Variants in PDGFRB observed in about 807,000 individuals in gnomAD.
PDGFRB encodes the protein platelet-derived growth factor receptor beta.
In PDGFRB, 42 loss-of-function variants were observed where a neutral mutation model predicts 120.2. The ratio of observed to expected loss-of-function variants is 0.35; its 90% confidence interval spans 0.27 to 0.45. The LOEUF (loss-of-function observed/expected upper bound fraction) is 0.45, where lower values mean the gene tolerates loss of function less well. PDGFRB is among the 20% of genes least tolerant of loss of function. PDGFRB has a pLI of 1.00. For synonymous variants in PDGFRB, 586 were observed against 606.8 expected (o/e 0.97, Z 0.50); for missense variants, 1,149 against 1,476.3 (o/e 0.78, Z 3.63).
At chr5:150,153,273 A>C (rs1183549745) in intron 1 of PDGFRB, 1 of 152,340 alleles carries the variant, frequency 6.6e-6, no homozygotes, top group African/African-American at 2.4e-5. Context: ...GGTGCTGACC[A>C]GATGGTCTCT....
intron 22 of PDGFRB, among the ~76,000 whole-genome samples, chr5:150,116,640 T>TAA (rs1176501037): frequency 5.0e-5 from 7 of 141,222 alleles, no homozygotes; most frequent in East Asian, 4.1e-4. Context: ...ATAAAAATAA[T>TAA]AAAAAAAAAA....
At position 150,132,146 on chromosome 5, in the gene PDGFRB, C is replaced by T. The variant is rs1230675583; in HGVS notation, c.1128-52G>A. 4 of 944,824 alleles carry T rather than the reference C, an allele frequency of 4.2e-6. No homozygotes were observed. The African/African-American group carries it at 4.8e-5, about 11-fold the overall frequency. 58.5% of individuals were successfully genotyped at this position (944,824 alleles called of 1,614,324 possible). On this transcript the variant is annotated intron_variant, in intron 7 of 22. Transcript: ENST00000261799. The surrounding 1 kb of genome is among the most constrained non-coding windows in gnomAD (Gnocchi z 5.0). ...GAGTCGGAAGGACTCTTACAGTTCT[C>T]CCCACCCTCCTGGTATAAAGAGGAA...
At chr5:150,138,865 C>G (rs934136736) in intron 1 of PDGFRB, among the ~76,000 whole-genome samples, 3 of 152,236 alleles carry the variant, frequency 2.0e-5, no homozygotes, top group African/African-American at 7.2e-5. Flanking sequence ...GAGGGGGTCA[C>G]TTCAGCTTCC....
intron 6 of PDGFRB, 81 bp downstream of exon 6, chr5:150,133,505 C>G (rs1760533582): frequency 1.9e-5 from 22 of 1,185,534 alleles, no homozygotes; most frequent in Non-Finnish European, 2.7e-5. Flanking sequence ...CAACTCTCAC[C>G]ATCACTCTGC....
intron 20 of PDGFRB, 136 bp from the exon 21 acceptor site, chr5:150,118,988 G>A: frequency 3.2e-6 from 2 of 621,372 alleles, no homozygotes; most frequent in Non-Finnish European, 2.9e-6. Context: ...GTGGCTGGGT[G>A]TATCCAGAGG....
At chr5:150,138,237 G>C (rs991643158) in intron 1 of PDGFRB, among the ~76,000 whole-genome samples, 1 of 152,198 alleles carries the variant, frequency 6.6e-6, no homozygotes, top group African/African-American at 2.4e-5. Context: ...GCCTCCTCTG[G>C]CTGTGGGGCT....
Position 150,115,742 on chromosome 5 carries a change from G to A in PDGFRB, c.*21C>T, listed in dbSNP as rs369593849. On this transcript the variant is annotated 3_prime_UTR_variant, in exon 23 of 23. Transcript: ENST00000261799. ...CTGGCAGGGGGGGAGCTTCAGGCAG[G>A]GCAGGGTAGGGGCCAGCCCCCTACA... 160 of 1,557,850 alleles carry A rather than the reference G, an allele frequency of 1.0e-4. No individual in the cohort carries two copies. Among genetic ancestry groups the A allele is most frequent in the Non-Finnish European group, 1.7e-5 (20 of 1,151,572 alleles).
intron 14 of PDGFRB, 188 bp downstream of exon 14, chr5:150,124,062 T>G: frequency 2.4e-6 from 1 of 423,102 alleles, no homozygotes; most frequent in Non-Finnish European, 4.2e-6. Flanking sequence ...GCCTTGAAGG[T>G]GTTGTGATTT....
At chr5:150,130,891 C>T (rs961732622) in intron 8 of PDGFRB, among the ~76,000 whole-genome samples, 2 of 152,136 alleles carry the variant, frequency 1.3e-5, no homozygotes, top group Admixed American at 1.3e-4. Flanking sequence ...CTCTCTGAGA[C>T]TTGCTAATCT....
intron 22 of PDGFRB, 81 bp downstream of exon 22, chr5:150,117,536 GC>G (rs58405073): frequency 5.9e-6 from 4 of 677,434 alleles, no homozygotes; most frequent in South Asian, 1.8e-5. Context: ...CAGCGCGCGC[GC>G]GCGCGCGCAC....
chr5:150,120,250 G>A lies in PDGFRB; in HGVS notation c.2587-127C>T, dbSNP rs1278597494. 4.6e-6 allele frequency: 3 copies of A among 648,262 alleles called. No individual in the cohort carries two copies. Among genetic ancestry groups the A allele is most frequent in the African/African-American group, 3.6e-5 (2 of 56,020 alleles). The allele number at this position is 648,262 out of a possible 1,614,324, so 40.2% of individuals were successfully genotyped here. A position where few individuals can be genotyped will look rare whatever the true frequency, so the allele number is the denominator to read the frequency against. On this transcript the variant is annotated intron_variant, in intron 18 of 22. Transcript: ENST00000261799. The surrounding 1 kb of genome is among the most constrained non-coding windows in gnomAD (Gnocchi z 4.3). Reference sequence around the variant, plus strand: ...ACTTCTCCGTCCCATTCCCTGTGAGGGCCCTGGTCTCTGCGCAGCACAGTT... The same window carrying A: ...ACTTCTCCGTCCCATTCCCTGTGAGAGCCCTGGTCTCTGCGCAGCACAGTT...
chr5:150,137,698 C>T (rs1244967066), intron 1 of PDGFRB, among the ~76,000 whole-genome samples: 1 of 152,138 alleles, frequency 6.6e-6, no homozygotes, highest in African/African-American at 2.4e-5. Flanking sequence ...CAGGAGAGGT[C>T]CCATCGAGCA....
chr5:150,125,622 G>A (rs757399547), intron 11 of PDGFRB, 45 bp from the exon 12 acceptor site: 2 of 1,605,212 alleles, frequency 1.2e-6, no homozygotes, highest in Non-Finnish European at 1.7e-6. Flanking sequence ...GGAGTCTCAG[G>A]CCCTGAGCCC....
At chr5:150,135,968 C>G (rs1442982054) in intron 2 of PDGFRB, 90 bp from the exon 3 acceptor site, 7 of 812,892 alleles carry the variant, frequency 8.6e-6, no homozygotes, top group Non-Finnish European at 1.3e-5. Flanking sequence ...GTATGCACAG[C>G]CCTCAGGTCC....
At position 150,120,337 on chromosome 5, in the gene PDGFRB, G is replaced by C. The variant is rs1760091669; in HGVS notation, c.2587-214C>G. Among the ~76,000 whole-genome samples the C allele has an allele frequency of 6.6e-6, 1 of 152,172 alleles. No homozygotes were observed. Among genetic ancestry groups the C allele is most frequent in the Admixed American group, 6.5e-5 (1 of 15,292 alleles). ...GCTGTTTCCTTTCTCACTAGCTGGG[G>C]ACAAGGCAGCCCCTGTCCCTGGGGA... On this transcript the variant is annotated intron_variant, in intron 18 of 22. Transcript: ENST00000261799. This position sits in a 1 kb window ranked among gnomAD's most constrained non-coding sequence, Gnocchi z 4.3.
rs1760511754 is a variant in PDGFRB at position 150,132,935 on chromosome 5, G to C, written c.942C>G (p.Gly314=). The C allele has an allele frequency of 6.4e-7, 1 of 1,558,168 alleles. No homozygotes were observed. The change falls in exon 7 of 23, where the codon GGC becomes GGG. Residue 314 remains glycine (G), a synonymous_variant. Transcript: ENST00000261799. The surrounding 1 kb of genome is among the most constrained non-coding windows in gnomAD (Gnocchi z 5.0). ...CCACCTCTCCCAGGAGCCGCACGTA[G>C]CCGCTCTCTGCAAGGGGTGACCGTC... is the stretch of plus-strand genomic sequence containing the variant. ...KAINITVVES[G]YVRLLGEVGT... is the part of the protein sequence containing the mutation.
intron 9 of PDGFRB, 38 bp downstream of exon 9, chr5:150,130,501 C>A (rs746137457): frequency 6.3e-7 from 1 of 1,599,002 alleles, no homozygotes; most frequent in East Asian, 2.2e-5. Flanking sequence ...TTCTAGCCAG[C>A]TGGGGACACT....
chr5:150,130,689 A>T (rs1341099918), intron 8 of PDGFRB, 27 bp from the exon 9 acceptor site: 1 of 1,610,852 alleles, frequency 6.2e-7, no homozygotes, highest in Non-Finnish European at 8.5e-7. Flanking sequence ...CTGAGTTAGG[A>T]GGCGGGAGGG....
At chr5:150,116,056 A>G in intron 22 of PDGFRB, 110 bp from the exon 23 acceptor site, 2 of 862,050 alleles carry the variant, frequency 2.3e-6, no homozygotes, top group South Asian at 2.0e-5. Context: ...GGCTTCACAC[A>G]CTCCGGCTCA....
Sources: gnomAD v4.1 joint callset for allele counts (sites outside exome capture counted in the v4.1 genomes callset) on GRCh38, gnomAD v4.1.1 for gene constraint, Gnocchi (gnomAD v3.1) non-coding constraint, MANE v1.5 for transcripts, NCBI Gene and HGNC (gene_info 2026-07-23, HGNC 2026-07-21) for gene names.